AHCY: variants seen among roughly 807,000 people sequenced by gnomAD.
AHCY encodes the protein adenosylhomocysteinase, also known as S-adenosyl-L-homocysteine hydrolase.
A neutral mutation model predicts 45.4 loss-of-function variants in AHCY; 24 were observed. The ratio of observed to expected loss-of-function variants is 0.53; its 90% confidence interval spans 0.38 to 0.74. AHCY has a LOEUF of 0.74. Ranked by LOEUF, AHCY falls within the 30% of genes least tolerant of loss-of-function variation. The pLI, the probability that AHCY is intolerant of heterozygous loss-of-function variation, is 0.00. For synonymous variants in AHCY, 245 were observed against 235.1 expected, an observed-to-expected ratio of 1.04 and a Z score of -0.39; for missense variants, 449 against 594.1, an observed-to-expected ratio of 0.76 and a Z score of 2.54.
downstream of AHCY, among the ~76,000 whole-genome samples, chr20:34,277,044 T>G (rs901260829): frequency 6.6e-6 from 1 of 152,092 alleles, no homozygotes; most frequent in Non-Finnish European, 1.5e-5. Context: ...GTGATCCGGC[T>G]TCCTGGAGTC....
At chr20:34,238,280 AATGCAT>A in the AHCY span, among the ~76,000 whole-genome samples, 20 of 151,850 alleles carry the variant, frequency 1.3e-4, no homozygotes, top group African/African-American at 4.8e-4. Flanking sequence ...CTTCTGAGAG[AATGCAT>A]ATGTTTTTCT....
chr20:34,267,732 T>A, the AHCY span, among the ~76,000 whole-genome samples: 1 of 151,952 alleles, frequency 6.6e-6, no homozygotes, highest in Non-Finnish European at 1.5e-5. Context: ...GGTTTCTCCA[T>A]GTCGGTCGGG....
At chr20:34,272,379 G>A in the AHCY span, among the ~76,000 whole-genome samples, 1 of 152,170 alleles carries the variant, frequency 6.6e-6, no homozygotes, top group African/African-American at 2.4e-5. Flanking sequence ...GTTCTGCAGT[G>A]GACACCAGCT....
At chr20:34,269,991 A>C in the AHCY span, among the ~76,000 whole-genome samples, 1 of 149,486 alleles carries the variant, frequency 6.7e-6, no homozygotes, top group African/African-American at 2.5e-5. Flanking sequence ...AAGAAAAAAG[A>C]AAGAAATCCG....
chr20:34,309,199 A>T (rs1179022898), intron 1 of AHCY, among the ~76,000 whole-genome samples: 6 of 151,454 alleles, frequency 4.0e-5, no homozygotes, highest in African/African-American at 1.5e-4. Context: ...ACCTGAAGTG[A>T]TCCACCTGCC....
the AHCY span, among the ~76,000 whole-genome samples, chr20:34,242,709 A>G: frequency 3.3e-5 from 5 of 152,272 alleles, no homozygotes; most frequent in East Asian, 3.8e-4. Flanking sequence ...TTGCTCAGCT[A>G]TATCTCCTTG....
chr20:34,243,052 C>G, the AHCY span, among the ~76,000 whole-genome samples: 2 of 152,250 alleles, frequency 1.3e-5, no homozygotes, highest in Non-Finnish European at 2.9e-5. Flanking sequence ...CATCGCCTAT[C>G]AGCATTGTAT....
chr20:34,266,609 G>T, the AHCY span, among the ~76,000 whole-genome samples: 1 of 148,692 alleles, frequency 6.7e-6, no homozygotes, highest in Non-Finnish European at 1.5e-5. Flanking sequence ...GGAGATGAAG[G>T]TTGCAGTGAG....
At chr20:34,247,776 T>C in the AHCY span, among the ~76,000 whole-genome samples, 3 of 152,148 alleles carry the variant, frequency 2.0e-5, no homozygotes, top group Non-Finnish European at 4.4e-5. Flanking sequence ...TTTTAAATTT[T>C]TGTGGAGATG....
intron 4 of AHCY, 144 bp from the exon 5 acceptor site, chr20:34,291,675 C>T (rs1349510751): frequency 6.5e-6 from 5 of 772,354 alleles, no homozygotes; most frequent in East Asian, 2.8e-5. Flanking sequence ...CACCCAGACC[C>T]GCGTGAGGGA....
rs1321263052 is a variant in AHCY, at chr20:34,290,966, T to C, written c.559-28A>G. The C allele has an allele frequency of 8.1e-6, 13 of 1,611,172 alleles. No individual in the cohort carries two copies. The highest frequency in any genetic ancestry group is 1.3e-5 in the African/African-American group (1 of 74,794). ...GAAAGGAAAGGGGGTAAGGAGACAA[T>C]AGGGGCAGGCAAGGCCCTGGGGCCA... On this transcript the variant is annotated intron_variant, in intron 5 of 9. Coordinates refer to ENST00000217426, the MANE Select transcript of AHCY (RefSeq NM_000687.4). This position sits in a 1 kb window ranked among gnomAD's most constrained non-coding sequence, Gnocchi z 4.5.
At chr20:34,268,904 T>A in the AHCY span, 1,469 of 1,498,674 alleles carry the variant, frequency 9.8e-4, 1 homozygote, top group Non-Finnish European at 1.2e-3. Flanking sequence ...GTCCGGGATC[T>A]CCCTAGCCCG....
rs550857209 is a variant in AHCY at position 34,302,969 on chromosome 20, G to A, written c.28+274C>T. The A allele has an allele frequency of 1.0e-5, 10 of 985,458 alleles. No individual in the cohort carries two copies. In the East Asian group the frequency reaches 5.7e-4, roughly 56 times the overall value. 61.0% of individuals were successfully genotyped at this position (985,458 alleles called of 1,614,324 possible). On this transcript the variant is annotated intron_variant, in intron 1 of 9. Coordinates refer to ENST00000217426, the MANE Select transcript of AHCY (RefSeq NM_000687.4). ...AGGCCGTGGCCAGGTGTGCTCTCCC[G>A]CGGAGCACGCCGCCAGTTTGCGGCT...
At chr20:34,260,645 T>C in the AHCY span, 7 of 1,244,984 alleles carry the variant, frequency 5.6e-6, no homozygotes, top group Non-Finnish European at 7.7e-6. Flanking sequence ...TCCTTCTTGC[T>C]CGTTCCAGGA....
intron 3 of AHCY, chr20:34,293,617 G>A: frequency 6.3e-6 from 2 of 317,116 alleles, no homozygotes; most frequent in Admixed American, 4.6e-5. Context: ...CTAATCACTG[G>A]GTCAGATCTA....
the AHCY span, among the ~76,000 whole-genome samples, chr20:34,235,840 A>AGAAAGAAG: frequency 3.2e-4 from 17 of 53,786 alleles, no homozygotes; most frequent in Admixed American, 4.3e-4. Flanking sequence ...AAAGAAAGAA[A>AGAAAGAAG]GAAGGAAGGA....
At chr20:34,259,057 T>A in the AHCY span, among the ~76,000 whole-genome samples, 39 of 150,262 alleles carry the variant, frequency 2.6e-4, no homozygotes, top group African/African-American at 8.1e-4. Flanking sequence ...AATTTTTTTT[T>A]AAATTAGCCA....
In AHCY at chr20:34,290,727, C is replaced by G. The variant is rs1601657382; in HGVS notation, c.766+4G>C. The G allele has an allele frequency of 1.9e-6, 3 of 1,613,668 alleles. No individual in the cohort carries two copies. In the African/African-American group the frequency reaches 4.0e-5, roughly 22 times the overall value. On this transcript the variant is annotated splice_donor_region_variant and intron_variant, in intron 6 of 9. Coordinates refer to ENST00000217426, the MANE Select transcript of AHCY (RefSeq NM_000687.4). This position sits in a 1 kb window ranked among gnomAD's most constrained non-coding sequence, Gnocchi z 4.5. ...GCTGACAACCAACCCTTGCCCTATC[C>G]TACCCTCCATGGCAGCCTGCAGTGC...
chr20:34,249,416 T>C, the AHCY span, among the ~76,000 whole-genome samples: 1 of 152,058 alleles, frequency 6.6e-6, no homozygotes, highest in Admixed American at 6.6e-5. Context: ...TATGACTTAC[T>C]GCTGAAACTT....
Sources: gnomAD v4.1 joint callset for allele counts (sites outside exome capture counted in the v4.1 genomes callset) on GRCh38, gnomAD v4.1.1 for gene constraint, Gnocchi (gnomAD v3.1) non-coding constraint, MANE v1.5 for transcripts, NCBI Gene and HGNC (gene_info 2026-07-23, HGNC 2026-07-21) for gene names.